PPP2R2B: variants seen among roughly 807,000 people sequenced by gnomAD.
PPP2R2B encodes serine/threonine-protein phosphatase 2A 55 kDa regulatory subunit B beta isoform.
In PPP2R2B, 5 loss-of-function variants were observed where a neutral mutation model predicts 46.0. The observed-to-expected ratio is 0.11, with a 90% confidence interval of 0.06 to 0.23. The LOEUF is 0.23. Ranked by LOEUF, PPP2R2B falls within the 10% of genes least tolerant of loss-of-function variation. PPP2R2B has a pLI of 1.00. For missense variants in PPP2R2B, 367 were observed against 575.0 expected, an observed-to-expected ratio of 0.64 and a Z score of 3.70; for synonymous variants, 215 against 206.7, an observed-to-expected ratio of 1.04 and a Z score of -0.34.
rs116216006 is a variant in PPP2R2B, at chr5:146,591,338, A to T, written c.1053-1112T>A. ...GTCACCTGTACCAGGTAAATTAAGC[A>T]AAGGTTAGATTTTGTTACTCTGGCT... On this transcript the variant is annotated intron_variant, in intron 9 of 9. Coordinates refer to ENST00000394411, the MANE Select transcript of PPP2R2B (RefSeq NM_181675.4). Among the ~76,000 whole-genome samples, 554 of 152,308 alleles carry T rather than the reference A, an allele frequency of 3.6e-3. 6 individuals are homozygous for T. Among genetic ancestry groups the T allele is most frequent in the African/African-American group, 0.013 (530 of 41,568 alleles).
chr5:146,910,748 T>C (rs1265803198), intron 1 of PPP2R2B, among the ~76,000 whole-genome samples: 2 of 152,316 alleles, frequency 1.3e-5, no homozygotes, highest in East Asian at 3.9e-4. Flanking sequence ...CTTTCAGAAG[T>C]TTCTTACTTT....
intron 2 of PPP2R2B, among the ~76,000 whole-genome samples, chr5:146,812,041 G>A (rs888160769): frequency 4.6e-5 from 7 of 152,044 alleles, no homozygotes; most frequent in African/African-American, 1.4e-4. Context: ...TGGATTAGTG[G>A]TCTTATTGGC....
intron 5 of PPP2R2B, among the ~76,000 whole-genome samples, chr5:146,669,328 G>C (rs958083963): frequency 1.3e-5 from 2 of 152,136 alleles, no homozygotes; most frequent in African/African-American, 4.8e-5. Context: ...TGGGGGAGGG[G>C]AGTTAATCTG....
intron 2 of PPP2R2B, among the ~76,000 whole-genome samples, chr5:146,785,136 G>C (rs1755755426): frequency 6.6e-6 from 1 of 152,064 alleles, no homozygotes; most frequent in African/African-American, 2.4e-5. Context: ...AACCTTAATA[G>C]TGGTTACAAA....
intron 2 of PPP2R2B, among the ~76,000 whole-genome samples, chr5:146,834,798 TCA>T (rs1302624479): frequency 6.6e-6 from 1 of 152,146 alleles, no homozygotes; most frequent in African/African-American, 2.4e-5. Flanking sequence ...CAAGCAGTCC[TCA>T]GTGTCTATTT....
chr5:146,917,640 CAAAT>C (rs1763440698), intron 1 of PPP2R2B, among the ~76,000 whole-genome samples: 1 of 152,114 alleles, frequency 6.6e-6, no homozygotes. Flanking sequence ...AGGTGGGTTA[CAAAT>C]AAATAAATAT....
intron 1 of PPP2R2B, among the ~76,000 whole-genome samples, chr5:146,930,903 C>T (rs1763947009): frequency 2.0e-5 from 3 of 152,130 alleles, no homozygotes; most frequent in African/African-American, 7.2e-5. Flanking sequence ...CAGGAGAATG[C>T]TTAGCAAATA....
chr5:146,817,833 T>C (rs1481619508), intron 2 of PPP2R2B, among the ~76,000 whole-genome samples: 2 of 152,212 alleles, frequency 1.3e-5, no homozygotes, highest in Non-Finnish European at 2.9e-5. Flanking sequence ...TGCCACCCAT[T>C]TCATAACAAT....
In PPP2R2B at chr5:146,586,260, C is replaced by T. The variant is rs1770154146; in HGVS notation, c.*3687G>A. On this transcript the variant is annotated 3_prime_UTR_variant, in exon 10 of 10. Coordinates refer to ENST00000394411, the MANE Select transcript of PPP2R2B (RefSeq NM_181675.4). Reference sequence around the variant, plus strand: ...ATTATTAAAAACACACCGGCTTCATCCACACATTCATCACGGAAGAGGGAA... The same window carrying T: ...ATTATTAAAAACACACCGGCTTCATTCACACATTCATCACGGAAGAGGGAA... 1.3e-5 allele frequency: 2 copies of T among 152,260 alleles called. No individual in the cohort carries two copies. The highest frequency in any genetic ancestry group is 4.8e-5 in the African/African-American group (2 of 41,442). 9.4% of individuals were successfully genotyped at this position (152,260 alleles called of 1,614,324 possible).
chr5:147,000,253 T>C (rs1754108686), intron 1 of PPP2R2B, among the ~76,000 whole-genome samples: 2 of 152,206 alleles, frequency 1.3e-5, no homozygotes, highest in South Asian at 4.1e-4. Flanking sequence ...CTTTACATTT[T>C]GCACCTAGGA....
At chr5:146,739,420 A>C (rs1036012792) in intron 2 of PPP2R2B, among the ~76,000 whole-genome samples, 7 of 152,190 alleles carry the variant, frequency 4.6e-5, no homozygotes, top group Non-Finnish European at 1.0e-4. Flanking sequence ...AGCCTGGCCA[A>C]AGGGCAAAGG....
At chr5:146,615,529 A>G (rs1347935221) in intron 7 of PPP2R2B, among the ~76,000 whole-genome samples, 116 of 147,448 alleles carry the variant, frequency 7.9e-4, no homozygotes, top group African/African-American at 2.8e-3. Context: ...AAAAAAAAAA[A>G]AGAAAAAAAA....
chr5:146,709,378 T>C (rs924046022), intron 2 of PPP2R2B, among the ~76,000 whole-genome samples: 2 of 152,206 alleles, frequency 1.3e-5, no homozygotes, highest in African/African-American at 4.8e-5. Flanking sequence ...TGGCTACTCC[T>C]ACTCAGAATC....
rs1762037810 is a variant in PPP2R2B, at chr5:146,878,483, C to CA, written c.-125+107dup. ...CCTCCTTGGCAGCCGCTCCAAAATG[C>CA]AAAAAAGATCCCTCCTCCCCCTGGG... On this transcript the variant is annotated intron_variant, in intron 1 of 9. Coordinates refer to ENST00000394411, the MANE Select transcript of PPP2R2B (RefSeq NM_181675.4). The surrounding 1 kb of genome is among the most constrained non-coding windows in gnomAD (Gnocchi z 4.5). The CA allele has an allele frequency of 1.5e-6, 2 of 1,339,834 alleles. No individual in the cohort carries two copies. The highest frequency in any genetic ancestry group is 3.3e-5 in the Admixed American group (1 of 30,630). The allele number at this position is 1,339,834 out of a possible 1,614,324, so 83.0% of individuals were successfully genotyped here. A position where few individuals can be genotyped will look rare whatever the true frequency, so the allele number is the denominator to read the frequency against.
rs562608284 is a variant in PPP2R2B at position 146,736,717 on chromosome 5, C to T, written c.71-35575G>A. ...AAAGTGAATGAGAATGTTCTGACTC[C>T]GGTGTAATCTGTTAATTACTATTAA... On this transcript the variant is annotated intron_variant, in intron 2 of 9. Coordinates refer to ENST00000394411, the MANE Select transcript of PPP2R2B (RefSeq NM_181675.4). Among the ~76,000 whole-genome samples the T allele has an allele frequency of 1.8e-4, 27 of 152,224 alleles. 1 individual carries two copies. In the South Asian group the frequency reaches 4.4e-3, roughly 25 times the overall value.
chr5:146,662,212 G>T (rs1302029449), intron 5 of PPP2R2B, among the ~76,000 whole-genome samples: 1 of 152,134 alleles, frequency 6.6e-6, no homozygotes, highest in Non-Finnish European at 1.5e-5. Flanking sequence ...GAATCTTACA[G>T]CTGGAAGTTA....
chr5:146,600,231 T>C (rs1379919091), intron 8 of PPP2R2B, 60 bp downstream of exon 8: 1 of 1,556,426 alleles, frequency 6.4e-7, no homozygotes, highest in Non-Finnish European at 8.7e-7. Flanking sequence ...AAGCAGGGGC[T>C]GACTTAAAAG....
intron 1 of PPP2R2B, among the ~76,000 whole-genome samples, chr5:147,020,273 C>T (rs183099579): frequency 5.9e-5 from 9 of 151,940 alleles, no homozygotes; most frequent in African/African-American, 1.9e-4. Context: ...TTCCTTGTAC[C>T]ATTTATTTAA....
chr5:146,649,507 C>T (rs556887836), intron 6 of PPP2R2B, among the ~76,000 whole-genome samples: 70 of 151,554 alleles, frequency 4.6e-4, no homozygotes, highest in Non-Finnish European at 6.9e-4. Context: ...TGCAGTGGTA[C>T]GATCTCGGCT....
Sources: gnomAD v4.1 joint callset for allele counts (sites outside exome capture counted in the v4.1 genomes callset) on GRCh38, gnomAD v4.1.1 for gene constraint, Gnocchi (gnomAD v3.1) non-coding constraint, MANE v1.5 for transcripts, NCBI Gene and HGNC (gene_info 2026-07-23, HGNC 2026-07-21) for gene names.